ASCC3: variants seen among roughly 807,000 people sequenced by gnomAD.
ASCC3 encodes the protein ASC-1 complex subunit P200.
Under a neutral mutation model 256.3 loss-of-function variants are expected in ASCC3, and 158 were observed. The observed-to-expected ratio is 0.62, with a 90% CI of 0.54 to 0.70. ASCC3 has a LOEUF of 0.70. Among genes scored for constraint, ASCC3 ranks in the 30% least tolerant of loss-of-function variants. The pLI, the probability that ASCC3 is intolerant of heterozygous loss-of-function variation, is 0.00. For missense variants in ASCC3, 2,259 were observed against 2,626.0 expected (o/e 0.86, Z 3.05); for synonymous variants, 948 against 883.4 (o/e 1.07, Z -1.30).
intron 30 of ASCC3, among the ~76,000 whole-genome samples, chr6:100,613,512 T>A (rs1773513683): frequency 6.6e-6 from 1 of 152,096 alleles, no homozygotes; most frequent in African/African-American, 2.4e-5. Flanking sequence ...AGTATTCTAT[T>A]TTGTATATAT....
chr6:100,874,475 A>AAC (rs1322010308), intron 1 of ASCC3, among the ~76,000 whole-genome samples: 3 of 151,126 alleles, frequency 2.0e-5, no homozygotes, highest in South Asian at 2.1e-4. Context: ...AAAAAAAAAA[A>AAC]AAAAAAAAAA....
chr6:100,858,666 G>A, intron 3 of ASCC3: 1 of 1,007,944 alleles, frequency 9.9e-7, no homozygotes, highest in Non-Finnish European at 1.2e-6. Context: ...CACATCATGT[G>A]TATTTCTTTT....
chr6:100,767,276 A>G lies in ASCC3; in HGVS notation c.1465T>C (p.Tyr489His). The G allele has an allele frequency of 6.2e-7, 1 of 1,614,074 alleles. No homozygotes were observed. Residue 489 changes from tyrosine to histidine, a missense_variant, in exon 9 of 42, where the codon TAC becomes CAC. By Grantham distance (83) the Tyr-to-His change is moderately conservative. This residue lies in a region of ASCC3 where 1,839 missense variants were observed against 2,206.7 expected (regional missense o/e 0.83). Coordinates refer to ENST00000369162, the MANE Select transcript of ASCC3 (RefSeq NM_006828.4). Reference sequence around the variant, plus strand: ...ATCAGCATGTTCTCATTGGTGTTGTAGGCAGTCTCAAACACTATTGACTGG... The same window carrying G: ...ATCAGCATGTTCTCATTGGTGTTGTGGGCAGTCTCAAACACTATTGACTGG... ...RIQSIVFETA[Y>H]NTNENMLICA...
chr6:100,639,502 G>C (rs1177427868), intron 24 of ASCC3, among the ~76,000 whole-genome samples: 1 of 152,058 alleles, frequency 6.6e-6, no homozygotes, highest in African/African-American at 2.4e-5. Flanking sequence ...ATCCAGAAAG[G>C]TATCAGTTAG....
chr6:100,680,464 C>T (rs1324577597), intron 13 of ASCC3, among the ~76,000 whole-genome samples: 6 of 152,186 alleles, frequency 3.9e-5, no homozygotes. Context: ...CTTCTTTCCT[C>T]TGTAAGTTTC....
At chr6:100,671,153 T>C (rs1365373141) in intron 14 of ASCC3, among the ~76,000 whole-genome samples, 2 of 152,194 alleles carry the variant, frequency 1.3e-5, no homozygotes, top group Non-Finnish European at 1.5e-5. Context: ...TACAAATCTT[T>C]CCTCAAAAGA....
chr6:100,531,197 G>A (rs193083724), intron 37 of ASCC3: 6,529 of 609,522 alleles, frequency 0.011, 71 homozygotes, highest in Non-Finnish European at 0.014. Flanking sequence ...GATACATCTT[G>A]GACCATATTG....
At chr6:100,605,371 T>C (rs1448138679) in intron 33 of ASCC3, among the ~76,000 whole-genome samples, 197 bp downstream of exon 33, 1 of 152,162 alleles carries the variant, frequency 6.6e-6, no homozygotes, top group Non-Finnish European at 1.5e-5. Context: ...TGTACTATAC[T>C]GCTTATTTTA....
At chr6:100,829,233 C>T (rs1363105110) in intron 4 of ASCC3, among the ~76,000 whole-genome samples, 1 of 152,180 alleles carries the variant, frequency 6.6e-6, no homozygotes, top group Non-Finnish European at 1.5e-5. Context: ...TGCACCTGCA[C>T]TCCTCAGCCC....
intron 13 of ASCC3, among the ~76,000 whole-genome samples, chr6:100,710,205 G>T (rs937974351): frequency 6.6e-6 from 1 of 152,126 alleles, no homozygotes; most frequent in African/African-American, 2.4e-5. Flanking sequence ...AGCCAGACAA[G>T]AAAATAACTT....
Position 100,508,721 on chromosome 6 carries a change from G to C in ASCC3, c.*665C>G, listed in dbSNP as rs1191089970. 6.6e-6 allele frequency: 1 copy of C among 152,182 alleles called. No individual in the cohort carries two copies. The highest frequency in any genetic ancestry group is 1.5e-5 in the Non-Finnish European group (1 of 68,040). 9.4% of individuals were successfully genotyped at this position (152,182 alleles called of 1,614,324 possible). Reference sequence around the variant, plus strand: ...TTTAAAGGAAGCAGAAGAAAACATTGAGTCAGCTTGTCTTGAAGTGCCACT... The same window carrying C: ...TTTAAAGGAAGCAGAAGAAAACATTCAGTCAGCTTGTCTTGAAGTGCCACT... On this transcript the variant is annotated 3_prime_UTR_variant, in exon 42 of 42. Coordinates refer to ENST00000369162, the MANE Select transcript of ASCC3 (RefSeq NM_006828.4).
At chr6:100,769,188 A>G (rs1285488256) in intron 8 of ASCC3, among the ~76,000 whole-genome samples, 1 of 152,042 alleles carries the variant, frequency 6.6e-6, no homozygotes, top group Non-Finnish European at 1.5e-5. Flanking sequence ...CGAAGTAGAG[A>G]GTATAATAGT....
At chr6:100,590,975 CA>C (rs1329601921) in intron 34 of ASCC3, among the ~76,000 whole-genome samples, 1 of 151,996 alleles carries the variant, frequency 6.6e-6, no homozygotes, top group Non-Finnish European at 1.5e-5. Flanking sequence ...GGCCCCATTA[CA>C]TAAAAATTAT....
chr6:100,670,474 T>G (rs996498690), intron 14 of ASCC3, among the ~76,000 whole-genome samples: 3 of 151,932 alleles, frequency 2.0e-5, no homozygotes, highest in African/African-American at 7.2e-5. Context: ...TAATACAATG[T>G]AAGTGTTATA....
chr6:100,638,977 A>G (rs980523880), intron 24 of ASCC3, among the ~76,000 whole-genome samples, 156 bp from the exon 25 acceptor site: 2 of 152,192 alleles, frequency 1.3e-5, no homozygotes, highest in African/African-American at 4.8e-5. Context: ...TGGCATTTCA[A>G]CAAATATGTC....
intron 20 of ASCC3, among the ~76,000 whole-genome samples, chr6:100,648,692 T>G (rs1035939901): frequency 1.3e-5 from 2 of 151,930 alleles, no homozygotes; most frequent in African/African-American, 4.8e-5. Flanking sequence ...ATCTACCAAA[T>G]AGGTTTTCCT....
rs1468424476 is a variant in ASCC3 at position 100,718,300 on chromosome 6, C to CA, written c.1903-50dup. 4 of 1,449,050 alleles carry CA rather than the reference C, an allele frequency of 2.8e-6. No individual in the cohort carries two copies. In the African/African-American group the frequency reaches 4.4e-5, roughly 16 times the overall value. The allele number at this position is 1,449,050 out of a possible 1,614,324, so 89.8% of individuals were successfully genotyped here. Reference sequence around the variant, plus strand: ...TATGGGTTATTTAAATTAATTTAACCAAAAAACATTATAATTTGTCCTATT... The same window carrying CA: ...TATGGGTTATTTAAATTAATTTAACCAAAAAAACATTATAATTTGTCCTATT... On this transcript the variant is annotated intron_variant, in intron 11 of 41. Coordinates refer to ENST00000369162, the MANE Select transcript of ASCC3 (RefSeq NM_006828.4).
intron 36 of ASCC3, among the ~76,000 whole-genome samples, chr6:100,577,586 T>G (rs1373705490): frequency 6.6e-6 from 1 of 152,098 alleles, no homozygotes; most frequent in Non-Finnish European, 1.5e-5. Flanking sequence ...TTTTAGATAT[T>G]CTTTTTGATA....
At chr6:100,784,582 T>C (rs1417859176) in intron 8 of ASCC3, among the ~76,000 whole-genome samples, 1 of 152,044 alleles carries the variant, frequency 6.6e-6, no homozygotes, top group Admixed American at 6.6e-5. Flanking sequence ...TATTTGCTTA[T>C]AGAAAAATGT....
Sources: gnomAD v4.1 joint callset for allele counts (sites outside exome capture counted in the v4.1 genomes callset) on GRCh38, gnomAD v4.1.1 for gene constraint, gnomAD v4.1.1 regional missense constraint, MANE v1.5 for transcripts, NCBI Gene and HGNC (gene_info 2026-07-23, HGNC 2026-07-21) for gene names.